GSDME: variants seen among roughly 807,000 people sequenced by gnomAD.
GSDME encodes gasdermin E.
Under a neutral mutation model 47.5 loss-of-function variants are expected in GSDME, and 44 were observed. The ratio of observed to expected loss-of-function variants is 0.93; its 90% CI spans 0.73 to 1.19. The LOEUF (loss-of-function observed/expected upper bound fraction) is 1.19. Among genes scored for constraint, GSDME ranks in the 50% most tolerant of loss-of-function variants. GSDME has a pLI of 0.00. For synonymous variants in GSDME, 258 were observed against 252.8 expected (o/e 1.02, Z -0.20); for missense variants, 663 against 604.2 (o/e 1.10, Z -1.02).
rs898297658 is a variant in GSDME, at chr7:24,726,976, G to C, written c.405-7758C>G. Among the ~76,000 whole-genome samples the C allele has an allele frequency of 3.3e-5, 5 of 152,156 alleles. No homozygotes were observed. Among genetic ancestry groups the C allele is most frequent in the African/African-American group, 9.7e-5 (4 of 41,428 alleles). The stretch of plus-strand genomic sequence containing the variant: ...AGAAGGGACCCAAGGGGATTATCTA[G>C]CTCTGGGCAGAAACTCAGGTTCATC... On this transcript the variant is annotated intron_variant, in intron 3 of 9. Transcript: ENST00000645220. The surrounding 1 kb of genome is among the most constrained non-coding windows in gnomAD (Gnocchi z 5.6).
intron 9 of GSDME, 143 bp downstream of exon 9, chr7:24,702,617 G>A: frequency 1.4e-6 from 1 of 708,786 alleles, no homozygotes; most frequent in Non-Finnish European, 2.6e-6. Context: ...ATAAAAGTGG[G>A]GTTAATAACA....
upstream of GSDME, among the ~76,000 whole-genome samples, chr7:24,759,230 A>T (rs1791125641): frequency 6.6e-6 from 1 of 152,192 alleles, no homozygotes. Context: ...AGATTATTGC[A>T]TCCCCCGCTA....
chr7:24,713,277 G>A (rs1789426446), intron 5 of GSDME, among the ~76,000 whole-genome samples: 1 of 152,104 alleles, frequency 6.6e-6, no homozygotes, highest in South Asian at 2.1e-4. Flanking sequence ...CTTTCCTCCA[G>A]GCAGAGGGAC....
Position 24,706,332 on chromosome 7 carries a change from C to G in GSDME, c.1035G>C (p.Leu345=). The change falls in exon 8 of 10, where the codon CTG becomes CTC. Residue 345 remains leucine (L), a synonymous_variant. Coordinates refer to ENST00000645220, the MANE Select transcript of GSDME (RefSeq NM_001127453.2). ...VSGLSPTVAV[L]GELKPRQQQD... Reference sequence around the variant, plus strand: ...GCTGCTGCCGGGGCTTCAGCTCCCCCAGCACCGCCACTGTGGGCGAGAGGC... The same window carrying G: ...GCTGCTGCCGGGGCTTCAGCTCCCCGAGCACCGCCACTGTGGGCGAGAGGC... 1 of 1,613,174 alleles carries G rather than the reference C, an allele frequency of 6.2e-7. No individual in the cohort carries two copies. Among genetic ancestry groups the G allele is most frequent in the African/African-American group, 1.3e-5 (1 of 75,032 alleles).
chr7:24,756,983 A>G lies in GSDME; in HGVS notation c.-20+413T>C, dbSNP rs1791042029. ...GCCCCCGAGCCGGGAGAGCCTCCGC[A>G]GCACCCAGAGAAGAGACCGGAACAC... On this transcript the variant is annotated intron_variant, in intron 1 of 9. Coordinates refer to ENST00000645220, the MANE Select transcript of GSDME (RefSeq NM_001127453.2). This position sits in a 1 kb window ranked among gnomAD's most constrained non-coding sequence, Gnocchi z 4.2. 6.6e-6 allele frequency among the ~76,000 whole-genome samples: 1 copy of G among 151,274 alleles called. No individual in the cohort carries two copies. The highest frequency in any genetic ancestry group is 2.0e-4 in the East Asian group (1 of 5,020).
chr7:24,778,307 T>C, the GSDME span, among the ~76,000 whole-genome samples: 1 of 151,960 alleles, frequency 6.6e-6, no homozygotes, highest in Non-Finnish European at 1.5e-5. The surrounding 1 kb of genome is among the most constrained non-coding windows in gnomAD (Gnocchi z 5.6). Flanking sequence ...CACTGGGGCC[T>C]AGAAGCCTGG....
At chr7:24,704,232 C>T (rs1218466298) in intron 8 of GSDME, 1 of 152,200 alleles carries the variant, frequency 6.6e-6, no homozygotes, top group Non-Finnish European at 1.5e-5. Flanking sequence ...TTTGATTGCT[C>T]TTCCATGTAC....
chr7:24,723,939 C>T (rs1441003566), intron 3 of GSDME, among the ~76,000 whole-genome samples: 2 of 152,230 alleles, frequency 1.3e-5, no homozygotes, highest in South Asian at 2.1e-4. Flanking sequence ...ATCTCACTCT[C>T]CTCGTGGCTG....
intron 2 of GSDME, among the ~76,000 whole-genome samples, chr7:24,749,146 C>T (rs569740463): frequency 3.3e-5 from 5 of 152,108 alleles, no homozygotes; most frequent in Non-Finnish European, 7.4e-5. Context: ...TTTAAGATGA[C>T]AAGCAAAGAA....
chr7:24,766,628 T>C, the GSDME span, among the ~76,000 whole-genome samples: 2 of 152,230 alleles, frequency 1.3e-5, no homozygotes, highest in African/African-American at 2.4e-5. This position sits in a 1 kb window ranked among gnomAD's most constrained non-coding sequence, Gnocchi z 4.2. Context: ...ACAAAGGACA[T>C]GAACTCACCC....
rs1790411293 is a variant in GSDME at position 24,739,316 on chromosome 7, G to C, written c.404+5246C>G. On this transcript the variant is annotated intron_variant, in intron 3 of 9. Transcript: ENST00000645220. This position sits in a 1 kb window ranked among gnomAD's most constrained non-coding sequence, Gnocchi z 5.1. ...ATAATCCTGTTAAAAATGGGCAAAA[G>C]ATCTAAATAGACATTTCTCAAAAGA... is the stretch of plus-strand genomic sequence containing the variant. 6.6e-6 allele frequency among the ~76,000 whole-genome samples: 1 copy of C among 152,106 alleles called. No homozygotes were observed. The highest frequency in any genetic ancestry group is 2.4e-5 in the African/African-American group (1 of 41,420).
chr7:24,760,508 T>C (rs559565473), upstream of GSDME, among the ~76,000 whole-genome samples: 9 of 152,318 alleles, frequency 5.9e-5, no homozygotes, highest in African/African-American at 2.2e-4. This position sits in a 1 kb window ranked among gnomAD's most constrained non-coding sequence, Gnocchi z 4.2. Context: ...CTTATAACAT[T>C]GTCATGAGAT....
chr7:24,709,191 C>T (rs867257125), intron 6 of GSDME, among the ~76,000 whole-genome samples: 4 of 152,206 alleles, frequency 2.6e-5, no homozygotes, highest in Admixed American at 6.5e-5. Context: ...TCGGTCCAGT[C>T]GCACACCCAG....
intron 6 of GSDME, 111 bp from the exon 7 acceptor site, chr7:24,708,365 T>A: frequency 7.7e-7 from 1 of 1,303,360 alleles, no homozygotes; most frequent in Admixed American, 1.9e-5. Flanking sequence ...TCATGGATAT[T>A]CCCAGCTGCA....
In GSDME at chr7:24,749,739, T is replaced by G; in HGVS notation, c.36A>C (p.Glu12Asp). The change falls in exon 2 of 10, where the codon GAA becomes GAC. Residue 12 changes from glutamate (E) to aspartate (D), a missense_variant. Coordinates refer to ENST00000645220, the MANE Select transcript of GSDME (RefSeq NM_001127453.2). ...FAKATRNFLR[E>D]VDADGDLIAV... ...CAATCAGGTCACCATCAGCATCAAC[T>G]TCTCTAAGAAAATTCCTGGTTGCTT... 6.2e-7 allele frequency: 1 copy of G among 1,614,144 alleles called. No individual in the cohort carries two copies. Among genetic ancestry groups the G allele is most frequent in the Non-Finnish European group, 8.5e-7 (1 of 1,180,002 alleles).
the GSDME span, among the ~76,000 whole-genome samples, chr7:24,768,184 T>G: frequency 6.6e-6 from 1 of 152,190 alleles, no homozygotes; most frequent in African/African-American, 2.4e-5. This position sits in a 1 kb window ranked among gnomAD's most constrained non-coding sequence, Gnocchi z 5.6. Context: ...AACTTTAAAA[T>G]TTGGAGTAAA....
In GSDME at chr7:24,712,712, T is replaced by A. The variant is rs919137977; in HGVS notation, c.698-2324A>T. Among the ~76,000 whole-genome samples, 1 of 152,038 alleles carries A rather than the reference T, an allele frequency of 6.6e-6. No homozygotes were observed. Among genetic ancestry groups the A allele is most frequent in the Non-Finnish European group, 1.5e-5 (1 of 68,016 alleles). On this transcript the variant is annotated intron_variant, in intron 5 of 9. Coordinates refer to ENST00000645220, the MANE Select transcript of GSDME (RefSeq NM_001127453.2). This position sits in a 1 kb window ranked among gnomAD's most constrained non-coding sequence, Gnocchi z 4.4. ...CCTAGGTTCATGGCTGAGGCCCCTA[T>A]CACAACAGACAGATTAACAAGAGAG...
At position 24,710,236 on chromosome 7, in the gene GSDME, CACTT is replaced by C. The variant is rs1210698463; in HGVS notation, c.846_849del (p.Ser283PhefsTer2). On this transcript the variant is annotated frameshift_variant, in exon 6 of 10. Coordinates refer to ENST00000645220, the MANE Select transcript of GSDME (RefSeq NM_001127453.2). LOFTEE classifies it high-confidence loss of function. The stretch of plus-strand genomic sequence containing the variant: ...CTGCTGGCAATACCTTGCTTTAAAA[CACTT>C]AATGGTCCATCCTGGGAAGATATCC... 1 of 1,614,006 alleles carries C rather than the reference CACTT, an allele frequency of 6.2e-7. No homozygotes were observed. The highest frequency in any genetic ancestry group is 8.5e-7 in the Non-Finnish European group (1 of 1,180,048).
chr7:24,763,179 A>T, the GSDME span, among the ~76,000 whole-genome samples: 7,796 of 152,104 alleles, frequency 0.051, 456 homozygotes, highest in African/African-American at 0.14. This position sits in a 1 kb window ranked among gnomAD's most constrained non-coding sequence, Gnocchi z 4.3. Flanking sequence ...CGGCCATAAC[A>T]TTTGCAGTTC....
Sources: allele counts gnomAD v4.1 joint callset (sites outside exome capture counted in the v4.1 genomes callset), GRCh38; gene constraint gnomAD v4.1.1; non-coding constraint Gnocchi (gnomAD v3.1); transcripts MANE v1.5; gene names NCBI Gene and HGNC (gene_info 2026-07-23, HGNC 2026-07-21).